Variants in ASCC3 observed in about 807,000 individuals in gnomAD.
The protein encoded by ASCC3 is ASC-1 complex subunit P200.
A neutral mutation model predicts 256.3 loss-of-function variants in ASCC3; 158 were observed. The observed-to-expected ratio is 0.62, with a 90% confidence interval of 0.54 to 0.70. The LOEUF is 0.70. Among genes scored for constraint, ASCC3 ranks in the 30% least tolerant of loss-of-function variants. The probability of loss-of-function intolerance (pLI) is 0.00; values close to 1 mark genes in which losing one functional copy is unlikely to be tolerated. For synonymous variants in ASCC3, 948 were observed against 883.4 expected (o/e 1.07, Z -1.30); for missense variants, 2,259 against 2,626.0 (o/e 0.86, Z 3.05).
intron 10 of ASCC3, among the ~76,000 whole-genome samples, chr6:100,735,456 ATT>A (rs10549867): frequency 0.016 from 2,395 of 151,100 alleles, 24 homozygotes; most frequent in East Asian, 0.045. Context: ...TTAACATCTT[ATT>A]TTTTTTTTTT....
chr6:100,537,197 A>C (rs1017384247), intron 37 of ASCC3, among the ~76,000 whole-genome samples: 6 of 152,186 alleles, frequency 3.9e-5, no homozygotes, highest in African/African-American at 1.4e-4. Flanking sequence ...AGTCAATATC[A>C]TTGCCATACA....
intron 11 of ASCC3, among the ~76,000 whole-genome samples, chr6:100,719,596 C>CAGTT (rs1156826368): frequency 6.6e-6 from 1 of 151,824 alleles, no homozygotes; most frequent in Non-Finnish European, 1.5e-5. Context: ...AATTATAATA[C>CAGTT]AGTTATTTAA....
chr6:100,796,639 A>G (rs78157824), intron 8 of ASCC3, among the ~76,000 whole-genome samples: 6 of 152,082 alleles, frequency 3.9e-5, no homozygotes, highest in African/African-American at 1.5e-4. Flanking sequence ...AAACACAGGA[A>G]GAAGGCAGAA....
At chr6:100,801,514 C>CA (rs1246495920) in intron 5 of ASCC3, among the ~76,000 whole-genome samples, 6 of 152,046 alleles carry the variant, frequency 3.9e-5, no homozygotes, top group Admixed American at 3.3e-4. Context: ...TCACAATTCT[C>CA]AGACAGTTGT....
At chr6:100,571,654 T>C (rs1488380076) in intron 36 of ASCC3, among the ~76,000 whole-genome samples, 1 of 152,182 alleles carries the variant, frequency 6.6e-6, no homozygotes, top group Non-Finnish European at 1.5e-5. Flanking sequence ...AATAACCTCA[T>C]GAGGAAACTG....
intron 5 of ASCC3, among the ~76,000 whole-genome samples, chr6:100,804,902 T>TA (rs1188200831): frequency 4.6e-5 from 7 of 152,220 alleles, no homozygotes; most frequent in Admixed American, 6.6e-5. Flanking sequence ...TATCACTAGG[T>TA]ATATACCCCC....
chr6:100,709,245 T>TTAA (rs1171204514), intron 13 of ASCC3, among the ~76,000 whole-genome samples: 2 of 152,120 alleles, frequency 1.3e-5, no homozygotes, highest in Non-Finnish European at 2.9e-5. Context: ...AAGTAAATAT[T>TTAA]TAAACAAAAA....
intron 34 of ASCC3, among the ~76,000 whole-genome samples, chr6:100,594,947 T>C (rs542576299): frequency 6.6e-5 from 10 of 152,150 alleles, no homozygotes; most frequent in Admixed American, 3.9e-4. Flanking sequence ...GTAGGTAGTA[T>C]GGAAAGACAA....
At chr6:100,772,660 T>C (rs1781999717) in intron 8 of ASCC3, among the ~76,000 whole-genome samples, 1 of 152,200 alleles carries the variant, frequency 6.6e-6, no homozygotes, top group African/African-American at 2.4e-5. Flanking sequence ...GTACCACTGA[T>C]ACTTTCTTCA....
Position 100,605,629 on chromosome 6 carries a change from G to T in ASCC3, c.5116C>A (p.His1706Asn). ...TTATAAAAGTCTTTCTTTATGTCATGAACTAGAATTACAGCTTTGCCTTGG... is the reference window on the plus strand; with the variant it reads ...TTATAAAAGTCTTTCTTTATGTCATTAACTAGAATTACAGCTTTGCCTTGG... Reference protein sequence around the residue: ...DDQGKAVILVHDIKKDFYKKF... With the variant: ...DDQGKAVILVNDIKKDFYKKF... Residue 1706 changes from histidine (H) to asparagine (N), a missense_variant, in exon 33 of 42, where the codon CAT becomes AAT. His to Asn is a moderately conservative substitution (Grantham distance 68). Around this residue, in one of 2 missense-constraint regions of ASCC3, gnomAD observed 1,839 missense variants for 2,206.7 expected, o/e 0.83. Transcript: ENST00000369162. The T allele has an allele frequency of 6.2e-7, 1 of 1,601,186 alleles. No individual in the cohort carries two copies. Among genetic ancestry groups the T allele is most frequent in the Non-Finnish European group, 8.6e-7 (1 of 1,168,530 alleles).
chr6:100,746,064 T>C (rs1400071431), intron 10 of ASCC3, among the ~76,000 whole-genome samples: 1 of 137,254 alleles, frequency 7.3e-6, no homozygotes, highest in Non-Finnish European at 1.6e-5. Flanking sequence ...AAACTTATTG[T>C]GTGCCAAGAA....
At chr6:100,872,091 A>G (rs1773769005) in intron 1 of ASCC3, among the ~76,000 whole-genome samples, 1 of 152,234 alleles carries the variant, frequency 6.6e-6, no homozygotes, top group Admixed American at 6.5e-5. Flanking sequence ...ACTCTGCCTC[A>G]GAACCTAGAA....
intron 13 of ASCC3, among the ~76,000 whole-genome samples, chr6:100,706,557 C>G (rs977755835): frequency 6.6e-6 from 1 of 151,830 alleles, no homozygotes. Context: ...TCAAGGGTTG[C>G]CAACTTTATT....
At chr6:100,782,210 T>C (rs1782484957) in intron 8 of ASCC3, among the ~76,000 whole-genome samples, 1 of 152,158 alleles carries the variant, frequency 6.6e-6, no homozygotes, top group South Asian at 2.1e-4. Context: ...GGTTATGCCT[T>C]ACTAGTGAGT....
intron 4 of ASCC3, among the ~76,000 whole-genome samples, chr6:100,838,569 T>A (rs1771989339): frequency 6.6e-6 from 1 of 151,838 alleles, no homozygotes; most frequent in Admixed American, 6.6e-5. Flanking sequence ...CTAATGCTCA[T>A]TATTTACAGG....
intron 3 of ASCC3, 82 bp downstream of exon 3, chr6:100,863,982 A>G (rs1052562586): frequency 1.6e-6 from 2 of 1,233,508 alleles, no homozygotes; most frequent in African/African-American, 3.1e-5. Context: ...TTTCCTTTAC[A>G]TAGTATGTTG....
At chr6:100,864,259 T>C (rs1284087168) in intron 2 of ASCC3, 45 bp from the exon 3 acceptor site, 1 of 1,482,620 alleles carries the variant, frequency 6.7e-7, no homozygotes, top group Non-Finnish European at 9.3e-7. Context: ...TTAAAGTTCT[T>C]CTCAACTCCA....
In ASCC3 at chr6:100,511,082, TTAC is replaced by T. The variant is rs1202943006; in HGVS notation, c.6286-978_6286-976del. On this transcript the variant is annotated intron_variant, in intron 40 of 41. Transcript: ENST00000369162. ...TTTATGATTGTTGCTATTTTTATTATTACTATTATTAGTTTGTAATTATTACTT... is the reference window on the plus strand; with the variant it reads ...TTTATGATTGTTGCTATTTTTATTATTATTATTAGTTTGTAATTATTACTT... Among the ~76,000 whole-genome samples the T allele has an allele frequency of 3.9e-5, 6 of 152,346 alleles. No individual in the cohort carries two copies. The East Asian group carries it at 7.7e-4, about 20-fold the overall frequency.
At chr6:100,746,570 T>C (rs754842066) in intron 10 of ASCC3, among the ~76,000 whole-genome samples, 3 of 152,160 alleles carry the variant, frequency 2.0e-5, no homozygotes, top group Admixed American at 6.5e-5. Context: ...AGTGCAAGAT[T>C]TGCAAATGAA....
Sources: allele counts gnomAD v4.1 joint callset (sites outside exome capture counted in the v4.1 genomes callset), GRCh38; gene constraint gnomAD v4.1.1; regional missense constraint gnomAD v4.1.1; transcripts MANE v1.5; gene names NCBI Gene and HGNC (gene_info 2026-07-23, HGNC 2026-07-21).